The following AP2B1 variants were observed in gnomAD, a reference collection of about 807,000 sequenced individuals.
AP2B1 encodes the protein adaptor related protein complex 2 subunit beta 1, also known as AP-2 complex subunit beta.
In AP2B1, 23 loss-of-function variants were observed where a neutral mutation model predicts 102.0. That is an observed-to-expected ratio of 0.23 (90% CI 0.16 to 0.32). AP2B1 has a LOEUF of 0.32. Ranked by LOEUF, AP2B1 falls within the 10% of genes least tolerant of loss-of-function variation. The pLI is 1.00. For missense variants in AP2B1, 541 were observed against 1,157.4 expected (o/e 0.47, Z 7.73); for synonymous variants, 381 against 421.2 (o/e 0.90, Z 1.17).
At position 35,635,040 on chromosome 17, in the gene AP2B1, C is replaced by T. The variant is rs144303746; in HGVS notation, c.1156-1301C>T. Among the ~76,000 whole-genome samples the T allele has an allele frequency of 8.6e-3, 1,288 of 150,316 alleles. 11 individuals are homozygous for T. The highest frequency in any genetic ancestry group is 0.026 in the African/African-American group (1,066 of 40,782). ...GTCACTCTACTTCTCTGCCATACTG[C>T]TGTAATGGTAGGTTTTTTTGGTGGG... On this transcript the variant is annotated intron_variant, in intron 9 of 21. Transcript: ENST00000610402.
rs747617709 is a variant in AP2B1 at position 35,670,875 on chromosome 17, G to A, written c.2008G>A (p.Gly670Arg). 3 of 1,613,786 alleles carry A rather than the reference G, an allele frequency of 1.9e-6. No individual in the cohort carries two copies. The highest frequency in any genetic ancestry group is 2.5e-6 in the Non-Finnish European group (3 of 1,179,976). ...CTTTCAGCTTGGCAGTGACCTTGGC[G>A]GGGGCATTGGAGGAAGTCCGGCAGT... ...LDSLLGSDLG[G>R]GIGGSPAVGQ... The change falls in exon 15 of 22, where the codon GGG becomes AGG. Residue 670 changes from glycine to arginine, a missense_variant. Transcript: ENST00000610402.
rs1255143802 is a variant in AP2B1, at chr17:35,621,432, A to G, written c.526-2965A>G. The G allele has an allele frequency of 7.6e-6, 6 of 789,168 alleles. No homozygotes were observed. The Admixed American group carries it at 1.9e-4, about 25-fold the overall frequency. 48.9% of individuals were successfully genotyped at this position (789,168 alleles called of 1,614,324 possible). A position where few individuals can be genotyped will look rare whatever the true frequency, so the allele number is the denominator to read the frequency against. On this transcript the variant is annotated intron_variant, in intron 5 of 21. Coordinates refer to ENST00000610402, the MANE Select transcript of AP2B1 (RefSeq NM_001030006.2). ...TGTGGAGATTAGGAGATGAAAGTGT[A>G]GAGATAGGATGGAAGGAACTTCAAG...
chr17:35,626,603 T>C lies in AP2B1; in HGVS notation c.717-18T>C, dbSNP rs2142568727. On this transcript the variant is annotated intron_variant, in intron 6 of 21. Transcript: ENST00000610402. Reference sequence around the variant, plus strand: ...TAAATTATAATTCATGATATTAATTTTCATTCTCCACCCTCAGCATCTGTG... The same window carrying C: ...TAAATTATAATTCATGATATTAATTCTCATTCTCCACCCTCAGCATCTGTG... 1 of 1,564,712 alleles carries C rather than the reference T, an allele frequency of 6.4e-7. No individual in the cohort carries two copies. The highest frequency in any genetic ancestry group is 2.2e-5 in the East Asian group (1 of 44,564).
intron 9 of AP2B1, among the ~76,000 whole-genome samples, chr17:35,635,801 A>G (rs1341247348): frequency 6.6e-6 from 1 of 152,032 alleles, no homozygotes; most frequent in Non-Finnish European, 1.5e-5. Flanking sequence ...GATGCAAGCA[A>G]TTCTCCTGTC....
intron 2 of AP2B1, chr17:35,596,897 C>G (rs2073304703): frequency 1.4e-6 from 1 of 704,978 alleles, no homozygotes; most frequent in Non-Finnish European, 2.6e-6. Context: ...ATCCATGTCA[C>G]TCTGCATGAA....
At chr17:35,641,435 A>G (rs1297900898) in intron 11 of AP2B1, among the ~76,000 whole-genome samples, 2 of 152,156 alleles carry the variant, frequency 1.3e-5, no homozygotes, top group Non-Finnish European at 1.5e-5. Context: ...TTTAAAAATT[A>G]GTTGTAGTGG....
At position 35,659,698 on chromosome 17, in the gene AP2B1, T is replaced by C. The variant is rs907024656; in HGVS notation, c.1989+1907T>C. The C allele has an allele frequency of 1.7e-5, 11 of 649,932 alleles. No homozygotes were observed. In the African/African-American group the frequency reaches 1.8e-4, roughly 11 times the overall value. 40.3% of individuals were successfully genotyped at this position (649,932 alleles called of 1,614,324 possible). On this transcript the variant is annotated intron_variant, in intron 14 of 21. Coordinates refer to ENST00000610402, the MANE Select transcript of AP2B1 (RefSeq NM_001030006.2). ...TTGCTAGATAGGCCCAGTTATGTTTTTATGTAACTCTAAATTTTAACATTT... is the reference window on the plus strand; with the variant it reads ...TTGCTAGATAGGCCCAGTTATGTTTCTATGTAACTCTAAATTTTAACATTT...
intron 18 of AP2B1, among the ~76,000 whole-genome samples, chr17:35,702,326 CAAAG>C (rs587709743): frequency 1.6e-4 from 24 of 152,206 alleles, no homozygotes; most frequent in African/African-American, 5.5e-4. Context: ...AGCAAAGACT[CAAAG>C]GAGACAGGGA....
In AP2B1 at chr17:35,605,809, T is replaced by C; in HGVS notation, c.248T>C (p.Met83Thr). Residue 83 changes from methionine (M) to threonine (T), a missense_variant, in exon 4 of 22, where the codon ATG becomes ACG. Physicochemically the swap from Met to Thr is moderately conservative, Grantham distance 81. Around this residue, in one of 10 missense-constraint regions of AP2B1, gnomAD observed 28 missense variants for 98.3 expected, o/e 0.28. Coordinates refer to ENST00000610402, the MANE Select transcript of AP2B1 (RefSeq NM_001030006.2). Reference protein sequence around the residue: ...LMNYAKSQPDMAIMAVNSFVK... With the variant: ...LMNYAKSQPDTAIMAVNSFVK... ...AACTACGCCAAGAGTCAGCCAGACA[T>C]GGCCATCATGGCTGTAAACAGCTTT... is the stretch of plus-strand genomic sequence containing the variant. 2 of 1,613,322 alleles carry C rather than the reference T, an allele frequency of 1.2e-6. No homozygotes were observed. The highest frequency in any genetic ancestry group is 2.2e-5 in the South Asian group (2 of 90,926).
intron 21 of AP2B1, among the ~76,000 whole-genome samples, chr17:35,723,422 G>A (rs2085460288): frequency 6.6e-6 from 1 of 152,246 alleles, no homozygotes; most frequent in Admixed American, 6.5e-5. Context: ...AATGGAGGTA[G>A]AAGCACAGCA....
At chr17:35,629,865 A>G (rs1260705120) in intron 9 of AP2B1, among the ~76,000 whole-genome samples, 1 of 152,148 alleles carries the variant, frequency 6.6e-6, no homozygotes, top group African/African-American at 2.4e-5. Flanking sequence ...TGTAATTTAC[A>G]TTGCCCTGCT....
intron 12 of AP2B1, among the ~76,000 whole-genome samples, chr17:35,646,805 T>C (rs541453707): frequency 5.3e-5 from 8 of 151,970 alleles, no homozygotes; most frequent in Non-Finnish European, 1.0e-4. Flanking sequence ...GCCAGGCTGG[T>C]CTCAAACCCC....
chr17:35,682,867 G>A (rs1376508478), intron 18 of AP2B1, 43 bp downstream of exon 18: 1 of 1,538,240 alleles, frequency 6.5e-7, no homozygotes, highest in African/African-American at 1.4e-5. Context: ...TTAATATCTT[G>A]ACAATTATTA....
At position 35,661,618 on chromosome 17, in the gene AP2B1, G is replaced by T. The variant is rs570357226; in HGVS notation, c.1989+3827G>T. Reference sequence around the variant, plus strand: ...GAATTTGACCAATTTAGATATGGTCGCTCAGTCCCAGGGTCCTTTTTATCC... The same window carrying T: ...GAATTTGACCAATTTAGATATGGTCTCTCAGTCCCAGGGTCCTTTTTATCC... On this transcript the variant is annotated intron_variant, in intron 14 of 21. Coordinates refer to ENST00000610402, the MANE Select transcript of AP2B1 (RefSeq NM_001030006.2). Among the ~76,000 whole-genome samples the T allele has an allele frequency of 5.3e-5, 8 of 152,272 alleles. No homozygotes were observed. The South Asian group carries it at 1.5e-3, about 28-fold the overall frequency.
chr17:35,703,129 G>T (rs894352746), intron 18 of AP2B1, among the ~76,000 whole-genome samples: 1 of 151,964 alleles, frequency 6.6e-6, no homozygotes, highest in Non-Finnish European at 1.5e-5. Context: ...AAAATTAGCC[G>T]GGCGTGGTGG....
chr17:35,711,430 C>CA (rs1462895373), intron 20 of AP2B1, among the ~76,000 whole-genome samples: 3 of 150,768 alleles, frequency 2.0e-5, no homozygotes, highest in Admixed American at 2.0e-4. Context: ...AAAAAACACA[C>CA]ACACACACAA....
At chr17:35,615,186 T>C (rs1039066928) in intron 5 of AP2B1, among the ~76,000 whole-genome samples, 1 of 152,200 alleles carries the variant, frequency 6.6e-6, no homozygotes, top group Non-Finnish European at 1.5e-5. Flanking sequence ...GAGTCCTGGC[T>C]TGGCTGCTTA....
intron 12 of AP2B1, among the ~76,000 whole-genome samples, chr17:35,646,770 G>A (rs994168346): frequency 7.9e-5 from 12 of 151,702 alleles, no homozygotes; most frequent in Admixed American, 2.0e-4. Context: ...TGTACCCTTT[G>A]TAGAGATGGG....
At chr17:35,610,760 A>T (rs955012689) in intron 5 of AP2B1, among the ~76,000 whole-genome samples, 4 of 151,994 alleles carry the variant, frequency 2.6e-5, no homozygotes, top group African/African-American at 4.8e-5. Context: ...ACAAAAAATT[A>T]GCCGGGCGTG....
Sources: gnomAD v4.1 joint callset for allele counts (sites outside exome capture counted in the v4.1 genomes callset) on GRCh38, gnomAD v4.1.1 for gene constraint, gnomAD v4.1.1 regional missense constraint, MANE v1.5 for transcripts, NCBI Gene and HGNC (gene_info 2026-07-23, HGNC 2026-07-21) for gene names.